Variants in ZNF469 observed in about 807,000 individuals in gnomAD.
The protein encoded by ZNF469 is zinc finger protein 469.
In ZNF469, 1 loss-of-function variant was observed where a neutral mutation model predicts 1.0. That is an observed-to-expected ratio of 1.00 (90% CI 0.35 to 4.73). The LOEUF is 4.73. ZNF469 is among the 30% of genes most tolerant of loss of function. The pLI is 0.16. For synonymous variants in ZNF469, 2,703 were observed against 2,363.4 expected, an observed-to-expected ratio of 1.14 and a Z score of -4.17; for missense variants, 6,100 against 5,356.3, an observed-to-expected ratio of 1.14 and a Z score of -4.33.
the ZNF469 span, among the ~76,000 whole-genome samples, chr16:88,185,887 C>G: frequency 6.6e-6 from 1 of 152,112 alleles, no homozygotes; most frequent in African/African-American, 2.4e-5. Flanking sequence ...CACACACACA[C>G]TTATGTGCGC....
Position 88,440,615 on chromosome 16 carries a change from G to A in ZNF469, c.*1283G>A, listed in dbSNP as rs892392314. 3 of 152,262 alleles carry A rather than the reference G, an allele frequency of 2.0e-5. No homozygotes were observed. The highest frequency in any genetic ancestry group is 2.1e-4 in the South Asian group (1 of 4,822). 9.4% of individuals were successfully genotyped at this position (152,262 alleles called of 1,614,324 possible). ...AAAGAGACCAAATCAGGCCCAGACC[G>A]CCTCTCTGGAAGGTGTTGTAGGCCA... On this transcript the variant is annotated 3_prime_UTR_variant, in exon 3 of 3. Coordinates refer to ENST00000565624, the MANE Select transcript of ZNF469 (RefSeq NM_001367624.2).
At chr16:88,402,757 C>T (rs1049572330) in intron 1 of ZNF469, among the ~76,000 whole-genome samples, 84 of 152,322 alleles carry the variant, frequency 5.5e-4, no homozygotes, top group African/African-American at 1.9e-3. Context: ...ATTATTCCTC[C>T]GGTTCCAGGG....
rs1305871830 is a variant in ZNF469 at position 88,438,490 on chromosome 16, G to A, written c.11020G>A (p.Ala3674Thr). ...AFHKGSATKP[A>T]GCQSSSKDRS... ...CCACAAGGGCAGCGCCACCAAGCCT[G>A]CGGGCTGCCAGAGCTCATCAAAGGA... Residue 3674 changes from alanine to threonine, a missense_variant, in exon 3 of 3, where the codon GCG (alanine) becomes ACG (threonine). Transcript: ENST00000565624. 3 of 1,550,024 alleles carry A rather than the reference G, an allele frequency of 1.9e-6. No homozygotes were observed. The highest frequency in any genetic ancestry group is 2.6e-6 in the Non-Finnish European group (3 of 1,146,956).
At chr16:88,183,277 C>T in the ZNF469 span, among the ~76,000 whole-genome samples, 36 of 152,280 alleles carry the variant, frequency 2.4e-4, no homozygotes, top group African/African-American at 8.7e-4. Context: ...GTTGAACGTA[C>T]CCTTAACACG....
At chr16:88,182,085 C>A in the ZNF469 span, among the ~76,000 whole-genome samples, 1 of 152,184 alleles carries the variant, frequency 6.6e-6, no homozygotes, top group Non-Finnish European at 1.5e-5. Flanking sequence ...CATATACTAG[C>A]AGTGGACAAT....
At chr16:88,324,643 G>C in the ZNF469 span, among the ~76,000 whole-genome samples, 16,636 of 152,334 alleles carry the variant, frequency 0.11, 1,015 homozygotes, top group South Asian at 0.21. Flanking sequence ...GCCAGGGTGA[G>C]TGCATAAGGG....
the ZNF469 span, among the ~76,000 whole-genome samples, chr16:88,279,002 A>G: frequency 6.6e-6 from 1 of 151,442 alleles, no homozygotes. Context: ...CTGGGACAGT[A>G]CCATGTAGAT....
At chr16:88,354,597 A>T in the ZNF469 span, among the ~76,000 whole-genome samples, 1 of 147,502 alleles carries the variant, frequency 6.8e-6, no homozygotes, top group Non-Finnish European at 1.5e-5. Context: ...ATGAAATAAG[A>T]GGGTGCGTGC....
At chr16:88,305,290 A>ACACACGCACACCCTCACATG in the ZNF469 span, among the ~76,000 whole-genome samples, 1 of 143,478 alleles carries the variant, frequency 7.0e-6, no homozygotes, top group South Asian at 2.4e-4. Context: ...TCAGGCACAC[A>ACACACGCACACCCTCACATG]CACACGCACA....
the ZNF469 span, among the ~76,000 whole-genome samples, chr16:88,283,583 A>T: frequency 2.8e-3 from 431 of 152,284 alleles, 2 homozygotes; most frequent in African/African-American, 9.9e-3. Flanking sequence ...TGCTGGGAAA[A>T]AATTCTAGGT....
At chr16:88,362,050 G>A in the ZNF469 span, among the ~76,000 whole-genome samples, 11 of 152,302 alleles carry the variant, frequency 7.2e-5, no homozygotes, top group East Asian at 2.1e-3. Flanking sequence ...TCTGGCTTCT[G>A]TAGCTTTAGA....
the ZNF469 span, among the ~76,000 whole-genome samples, chr16:88,122,803 G>GTA: frequency 6.7e-6 from 1 of 150,146 alleles, no homozygotes; most frequent in African/African-American, 2.4e-5. Context: ...GTATATATAT[G>GTA]TATATATATG....
chr16:88,439,245 C>T lies in ZNF469; in HGVS notation c.11775C>T (p.Ala3925=), dbSNP rs1186089968. 8.4e-6 allele frequency: 13 copies of T among 1,550,482 alleles called. No individual in the cohort carries two copies. Among genetic ancestry groups the T allele is most frequent in the South Asian group, 8.3e-5 (7 of 84,058 alleles). Residue 3925 remains alanine (A), a synonymous_variant, in exon 3 of 3, where the codon GCC becomes GCT. Transcript: ENST00000565624. The part of the protein sequence containing the change: ...EPAEPHTHRT[A]EAQSDLLSQL... ...CCGAGCCACACACCCACCGGACGGCCGAGGCCCAGAGTGACCTCCTCAGCC... is the reference window on the plus strand; with the variant it reads ...CCGAGCCACACACCCACCGGACGGCTGAGGCCCAGAGTGACCTCCTCAGCC...
the ZNF469 span, among the ~76,000 whole-genome samples, chr16:88,361,344 G>A: frequency 2.4e-4 from 37 of 152,172 alleles, no homozygotes; most frequent in South Asian, 2.5e-3. Flanking sequence ...GGGGGTTGGG[G>A]ACCCCTGCCC....
rs1212023137 is a variant in ZNF469, at chr16:88,432,107, G to A, written c.4637G>A (p.Gly1546Glu). The A allele has an allele frequency of 1.3e-6, 2 of 1,550,486 alleles. No individual in the cohort carries two copies. The highest frequency in any genetic ancestry group is 1.7e-6 in the Non-Finnish European group (2 of 1,147,010). The change falls in exon 3 of 3, where the codon GGG becomes GAG. Residue 1546 changes from glycine (G) to glutamate (E), a missense_variant. Coordinates refer to ENST00000565624, the MANE Select transcript of ZNF469 (RefSeq NM_001367624.2). ...PGAAPSLPGK[G>E]SGCSVALMSH... is the part of the protein sequence containing the mutation. ...GCCGCCCCATCTTTGCCTGGGAAGG[G>A]GAGTGGATGTAGCGTTGCTCTTATG...
the ZNF469 span, among the ~76,000 whole-genome samples, chr16:88,342,133 G>T: frequency 6.6e-6 from 1 of 152,258 alleles, no homozygotes; most frequent in African/African-American, 2.4e-5. Flanking sequence ...GGCTGAGGAG[G>T]CGCTGCGACA....
At chr16:88,334,788 C>T in the ZNF469 span, among the ~76,000 whole-genome samples, 1 of 152,120 alleles carries the variant, frequency 6.6e-6, no homozygotes, top group Non-Finnish European at 1.5e-5. Context: ...CGGGAGGACA[C>T]ACATGTGATG....
chr16:88,239,701 ATATATATATATATATTTTTTTTTTTTTT>A, the ZNF469 span, among the ~76,000 whole-genome samples: 983 of 8,640 alleles, frequency 0.11, 126 homozygotes, highest in Middle Eastern at 1. Flanking sequence ...ATATATATAT[ATATATATATATATATTTTTTTTTTTTTT>A]TTTTTTTTTT....
At chr16:88,230,488 C>G in the ZNF469 span, among the ~76,000 whole-genome samples, 1 of 151,962 alleles carries the variant, frequency 6.6e-6, no homozygotes, top group African/African-American at 2.4e-5. Flanking sequence ...TCTGGGGACT[C>G]CCCTAGAGGA....
Sources: gnomAD v4.1 joint callset for allele counts (sites outside exome capture counted in the v4.1 genomes callset) on GRCh38, gnomAD v4.1.1 for gene constraint, MANE v1.5 for transcripts, NCBI Gene and HGNC (gene_info 2026-07-23, HGNC 2026-07-21) for gene names.